The following NUBPL variants were observed in gnomAD, a reference collection of about 807,000 sequenced individuals.
NUBPL encodes iron-sulfur cluster transfer protein NUBPL.
Under a neutral mutation model 45.7 loss-of-function variants are expected in NUBPL, and 31 were observed. The ratio of observed to expected loss-of-function variants is 0.68; its 90% CI spans 0.51 to 0.92. NUBPL has a LOEUF of 0.92. Ranked by LOEUF, NUBPL falls within the 40% of genes least tolerant of loss-of-function variation. NUBPL has a pLI of 0.00. For synonymous variants in NUBPL, 144 were observed against 140.9 expected (o/e 1.02, Z -0.15); for missense variants, 401 against 398.7 (o/e 1.01, Z -0.05).
At chr14:31,761,187 A>AT (rs1199078269) in intron 6 of NUBPL, among the ~76,000 whole-genome samples, 1 of 150,614 alleles carries the variant, frequency 6.6e-6, no homozygotes, top group Non-Finnish European at 1.5e-5. Context: ...ACACTTCTGA[A>AT]TTTTTTTTTG....
Position 31,562,383 on chromosome 14 carries a change from T to C in NUBPL, c.256+168T>C, listed in dbSNP as rs377455253. ...CGGGTAGACGCTTAGATTTTGGAGT[T>C]AGACAAAAGTAGGTACTAGCCGGGT... On this transcript the variant is annotated intron_variant, in intron 2 of 10. Transcript: ENST00000281081. Among the ~76,000 whole-genome samples the C allele has an allele frequency of 1.2e-4, 18 of 152,288 alleles. 1 individual carries two copies. In the East Asian group the frequency reaches 3.3e-3, roughly 28 times the overall value.
intron 4 of NUBPL, among the ~76,000 whole-genome samples, chr14:31,633,821 C>T (rs1490995706): frequency 1.3e-5 from 2 of 152,128 alleles, no homozygotes; most frequent in Non-Finnish European, 2.9e-5. Context: ...AATATTTGCA[C>T]ACTGTGATGA....
At chr14:31,841,917 C>CTTTTGTTTTTTTTGTTTTTTTTT in intron 8 of NUBPL, among the ~76,000 whole-genome samples, 1 of 43,036 alleles carries the variant, frequency 2.3e-5, no homozygotes, top group South Asian at 9.6e-4. Context: ...CGATTCTGGG[C>CTTTTGTTTTTTTTGTTTTTTTTT]TTTTTTTTTT....
At chr14:31,668,422 A>G (rs145383012) in intron 4 of NUBPL, among the ~76,000 whole-genome samples, 11 of 152,174 alleles carry the variant, frequency 7.2e-5, no homozygotes, top group African/African-American at 1.9e-4. Context: ...GCCAAGCTCT[A>G]TTGTCCCAGG....
chr14:31,614,898 G>A (rs1384282485), intron 4 of NUBPL, among the ~76,000 whole-genome samples: 1 of 152,158 alleles, frequency 6.6e-6, no homozygotes, highest in East Asian at 1.9e-4. Flanking sequence ...TGAAACTGGA[G>A]CTTTGAGATT....
chr14:31,721,857 G>GA (rs1389464617), intron 6 of NUBPL, among the ~76,000 whole-genome samples: 1 of 152,088 alleles, frequency 6.6e-6, no homozygotes, highest in East Asian at 1.9e-4. Context: ...TTATAAGTGA[G>GA]AAAATGTGGT....
At chr14:31,674,123 A>T (rs539821773) in intron 6 of NUBPL, among the ~76,000 whole-genome samples, 1 of 152,208 alleles carries the variant, frequency 6.6e-6, no homozygotes, top group Non-Finnish European at 1.5e-5. Context: ...AAAAATATCA[A>T]TTGGGCTATA....
chr14:31,644,233 T>G (rs1423528259), intron 4 of NUBPL, among the ~76,000 whole-genome samples: 1 of 152,038 alleles, frequency 6.6e-6, no homozygotes, highest in Admixed American at 6.6e-5. Flanking sequence ...TGCATTGATA[T>G]GTTGTGTTAA....
At chr14:31,592,415 A>G (rs2034165681) in intron 3 of NUBPL, among the ~76,000 whole-genome samples, 1 of 152,170 alleles carries the variant, frequency 6.6e-6, no homozygotes, top group South Asian at 2.1e-4. Context: ...TGAGCAGAGT[A>G]ATAACACAAT....
At chr14:31,858,788 T>C (rs2040665402) in intron 10 of NUBPL, among the ~76,000 whole-genome samples, 1 of 152,178 alleles carries the variant, frequency 6.6e-6, no homozygotes, top group African/African-American at 2.4e-5. Context: ...AATATATCAA[T>C]TTTTCAGAGC....
At chr14:31,712,040 C>T (rs79387353) in intron 6 of NUBPL, among the ~76,000 whole-genome samples, 44,185 of 151,762 alleles carry the variant, frequency 0.29, 7,301 homozygotes, top group South Asian at 0.41. Context: ...TTGTGAAGAG[C>T]AAAAGAACAA....
At chr14:31,591,730 A>G (rs2034147878) in intron 3 of NUBPL, among the ~76,000 whole-genome samples, 1 of 152,136 alleles carries the variant, frequency 6.6e-6, no homozygotes, top group Non-Finnish European at 1.5e-5. Context: ...GTATTAGTGT[A>G]GAAGTATTAG....
intron 7 of NUBPL, among the ~76,000 whole-genome samples, chr14:31,823,762 AC>A (rs1210052794): frequency 6.6e-6 from 1 of 152,120 alleles, no homozygotes; most frequent in Non-Finnish European, 1.5e-5. Context: ...ACAGCTGGAT[AC>A]AGCCAGAGCT....
At chr14:31,767,555 A>G (rs2138750433) in intron 6 of NUBPL, among the ~76,000 whole-genome samples, 1 of 152,314 alleles carries the variant, frequency 6.6e-6, no homozygotes, top group South Asian at 2.1e-4. Flanking sequence ...CCAAGTAGCA[A>G]AGCAGTATCC....
chr14:31,578,616 G>A (rs980547207), intron 3 of NUBPL, among the ~76,000 whole-genome samples: 2 of 152,202 alleles, frequency 1.3e-5, no homozygotes, highest in Non-Finnish European at 2.9e-5. Flanking sequence ...CTCTCACCAT[G>A]TTCTTGCTTT....
At chr14:31,743,671 C>A (rs900135223) in intron 6 of NUBPL, among the ~76,000 whole-genome samples, 3 of 152,130 alleles carry the variant, frequency 2.0e-5, no homozygotes, top group Admixed American at 6.6e-5. Context: ...TGAGCCACTG[C>A]GCTTAGCCGG....
chr14:31,597,462 A>C (rs1595343741), intron 3 of NUBPL, among the ~76,000 whole-genome samples: 1 of 152,188 alleles, frequency 6.6e-6, no homozygotes, highest in Non-Finnish European at 1.5e-5. Flanking sequence ...TAGATGATAG[A>C]TCTTTCCTAG....
chr14:31,802,141 G>C (rs1427430538), intron 7 of NUBPL, among the ~76,000 whole-genome samples: 1 of 152,220 alleles, frequency 6.6e-6, no homozygotes, highest in Non-Finnish European at 1.5e-5. Context: ...CCAGGAATGA[G>C]TTAATTCTCA....
chr14:31,616,951 A>C (rs149826663), intron 4 of NUBPL, among the ~76,000 whole-genome samples: 1,614 of 151,848 alleles, frequency 0.011, 24 homozygotes, highest in African/African-American at 0.037. Context: ...CATTTTCTTG[A>C]GCAGTGGTTT....
Sources: allele counts gnomAD v4.1 joint callset (sites outside exome capture counted in the v4.1 genomes callset), GRCh38; gene constraint gnomAD v4.1.1; transcripts MANE v1.5; gene names NCBI Gene and HGNC (gene_info 2026-07-23, HGNC 2026-07-21).